SLC35F4: variants seen among roughly 807,000 people sequenced by gnomAD.
The protein encoded by SLC35F4 is chromosome 14 open reading frame 36.
In SLC35F4, 24 loss-of-function variants were observed where a neutral mutation model predicts 44.2. That is an observed-to-expected ratio of 0.54 (90% CI 0.39 to 0.76). The LOEUF (loss-of-function observed/expected upper bound fraction) is 0.76, where lower values mean the gene tolerates loss of function less well. Ranked by LOEUF, SLC35F4 falls within the 30% of genes least tolerant of loss-of-function variation. The pLI, the probability that SLC35F4 is intolerant of heterozygous loss-of-function variation, is 0.00. For missense variants in SLC35F4, 562 were observed against 586.1 expected (o/e 0.96, Z 0.42); for synonymous variants, 238 against 223.6 (o/e 1.06, Z -0.57).
At chr14:57,593,047 T>C (rs915075276) in intron 2 of SLC35F4, among the ~76,000 whole-genome samples, 16 of 152,258 alleles carry the variant, frequency 1.1e-4, no homozygotes, top group African/African-American at 3.9e-4. Flanking sequence ...ATTGGAAAGG[T>C]AGAAAGACAA....
intron 1 of SLC35F4, among the ~76,000 whole-genome samples, chr14:57,694,244 A>G (rs1280734796): frequency 2.0e-5 from 3 of 152,188 alleles, no homozygotes; most frequent in Non-Finnish European, 4.4e-5. Context: ...ATGGATCCTT[A>G]AACTCTATTG....
chr14:57,608,785 GCC>G (rs2071312382), intron 1 of SLC35F4, among the ~76,000 whole-genome samples: 1 of 139,956 alleles, frequency 7.1e-6, no homozygotes, highest in African/African-American at 3.0e-5. Context: ...CCAAAAGATG[GCC>G]GGGGGGGGGC....
chr14:57,902,875 C>A (rs1889034471), intron 1 of SLC35F4, among the ~76,000 whole-genome samples: 1 of 152,190 alleles, frequency 6.6e-6, no homozygotes, highest in African/African-American at 2.4e-5. Context: ...TCTCTCCTTT[C>A]CTTCAAGTCT....
rs1209237252 is a variant in SLC35F4 at position 57,625,068 on chromosome 14, C to G, written c.104-30944G>C. On this transcript the variant is annotated intron_variant, in intron 1 of 7. Coordinates refer to ENST00000556826, the MANE Select transcript of SLC35F4 (RefSeq NM_001306087.2). Reference sequence around the variant, plus strand: ...TATTTAGAAAACCCCATCATCTCAGCCCAAAATCTCCTTAAGCTGATAAGC... The same window carrying G: ...TATTTAGAAAACCCCATCATCTCAGGCCAAAATCTCCTTAAGCTGATAAGC... Among the ~76,000 whole-genome samples, 3 of 152,162 alleles carry G rather than the reference C, an allele frequency of 2.0e-5. No individual in the cohort carries two copies. In the East Asian group the frequency reaches 5.8e-4, roughly 29 times the overall value.
chr14:57,645,811 T>C (rs959558274), intron 1 of SLC35F4, among the ~76,000 whole-genome samples: 2 of 147,732 alleles, frequency 1.4e-5, no homozygotes, highest in African/African-American at 2.4e-5. Context: ...GTACCTAATT[T>C]ATTGAGAGTT....
At chr14:57,823,152 C>T (rs1447190067) in intron 1 of SLC35F4, among the ~76,000 whole-genome samples, 2 of 152,026 alleles carry the variant, frequency 1.3e-5, no homozygotes, top group African/African-American at 4.8e-5. Context: ...AGCCCTGAGC[C>T]CTATGTGAGA....
At chr14:57,746,163 A>G (rs1295421274) in intron 1 of SLC35F4, among the ~76,000 whole-genome samples, 2 of 152,070 alleles carry the variant, frequency 1.3e-5, no homozygotes, top group African/African-American at 2.4e-5. Flanking sequence ...CAGCACACCA[A>G]CATGGCACAT....
At chr14:57,612,538 T>C (rs918276406) in intron 1 of SLC35F4, among the ~76,000 whole-genome samples, 15 of 152,250 alleles carry the variant, frequency 9.9e-5, no homozygotes, top group African/African-American at 3.4e-4. Flanking sequence ...TATTCTACTG[T>C]AATTTCTGGT....
chr14:57,603,513 A>G lies in SLC35F4; in HGVS notation c.104-9389T>C, dbSNP rs116074697. On this transcript the variant is annotated intron_variant, in intron 1 of 7. Coordinates refer to ENST00000556826, the MANE Select transcript of SLC35F4 (RefSeq NM_001306087.2). ...AATAATTCTGCTTGCTCTTGGCAAT[A>G]AGGTGTAGGTATGACTTGGTTTCAG... is the stretch of plus-strand genomic sequence containing the variant. Among the ~76,000 whole-genome samples, 647 of 152,302 alleles carry G rather than the reference A, an allele frequency of 4.2e-3. 3 individuals carry two copies. The highest frequency in any genetic ancestry group is 0.015 in the African/African-American group (631 of 41,568).
chr14:57,811,881 C>T (rs2140887412), intron 1 of SLC35F4, among the ~76,000 whole-genome samples: 1 of 152,180 alleles, frequency 6.6e-6, no homozygotes, highest in African/African-American at 2.4e-5. Flanking sequence ...ACTTGGGAGG[C>T]TAAGGCAGGA....
intron 1 of SLC35F4, among the ~76,000 whole-genome samples, chr14:57,625,465 T>G (rs1301375762): frequency 6.6e-6 from 1 of 152,134 alleles, no homozygotes; most frequent in Non-Finnish European, 1.5e-5. Context: ...ATATTTCGTA[T>G]GGAATCAAAA....
At chr14:57,865,667 C>G (rs1464398673) in intron 1 of SLC35F4, 56 bp downstream of exon 1, 1 of 1,435,798 alleles carries the variant, frequency 7.0e-7, no homozygotes, top group African/African-American at 1.5e-5. Flanking sequence ...CCGCGGCACC[C>G]CTGCGCGCCC....
intron 3 of SLC35F4, 90 bp downstream of exon 3, chr14:57,589,126 A>T: frequency 7.1e-7 from 1 of 1,406,594 alleles, no homozygotes; most frequent in Non-Finnish European, 9.6e-7. Context: ...ACCCCAAAAA[A>T]CTCAACTCAT....
intron 1 of SLC35F4, among the ~76,000 whole-genome samples, chr14:57,816,933 C>A (rs1457473181): frequency 6.6e-6 from 1 of 152,206 alleles, no homozygotes; most frequent in Admixed American, 6.5e-5. Flanking sequence ...CTCATCCCAG[C>A]TCCATGGAAT....
At chr14:57,631,058 G>C (rs1325767474) in intron 1 of SLC35F4, 1 of 166,810 alleles carries the variant, frequency 6.0e-6, no homozygotes, top group East Asian at 1.9e-4. Context: ...AATGTAGCTT[G>C]TTAATAAGAA....
chr14:57,925,050 T>C, intron 1 of SLC35F4, among the ~76,000 whole-genome samples: 1 of 152,072 alleles, frequency 6.6e-6, no homozygotes, highest in Non-Finnish European at 1.5e-5. Flanking sequence ...CCATCATGCC[T>C]GGCCACGAGG....
intron 1 of SLC35F4, among the ~76,000 whole-genome samples, chr14:57,644,047 T>C (rs1435222190): frequency 6.6e-6 from 1 of 152,216 alleles, no homozygotes; most frequent in Non-Finnish European, 1.5e-5. Context: ...TTCCAAGTCT[T>C]TGCTATTATG....
chr14:57,916,581 TC>T (rs1889334319), intron 1 of SLC35F4, among the ~76,000 whole-genome samples: 1 of 152,212 alleles, frequency 6.6e-6, no homozygotes, highest in African/African-American at 2.4e-5. Flanking sequence ...TGTTCCTTTC[TC>T]CCCTTCTTCT....
chr14:57,651,060 A>C (rs1036388042), intron 1 of SLC35F4, among the ~76,000 whole-genome samples: 9 of 152,174 alleles, frequency 5.9e-5, no homozygotes, highest in African/African-American at 2.2e-4. Flanking sequence ...GGCTTATGTC[A>C]CAATCCCAAA....
Sources: gnomAD v4.1 joint callset for allele counts (sites outside exome capture counted in the v4.1 genomes callset) on GRCh38, gnomAD v4.1.1 for gene constraint, MANE v1.5 for transcripts, NCBI Gene and HGNC (gene_info 2026-07-23, HGNC 2026-07-21) for gene names.